Variants in PLD5 observed in about 807,000 individuals in gnomAD.
PLD5 encodes inactive phospholipase D5.
PLD5 carries 36 observed loss-of-function variants against 61.1 expected under a neutral mutation model. That is an observed-to-expected ratio of 0.59 (90% confidence interval 0.45 to 0.78). The LOEUF (loss-of-function observed/expected upper bound fraction) is 0.78, where lower values mean the gene tolerates loss of function less well. PLD5 is among the 30% of genes least tolerant of loss of function. PLD5 has a pLI of 0.00. For synonymous variants in PLD5, 243 were observed against 242.8 expected, an observed-to-expected ratio of 1.00 and a Z score of -0.01; for missense variants, 515 against 644.4, an observed-to-expected ratio of 0.80 and a Z score of 2.17.
At chr1:242,352,261 AAC>A (rs1660519820) in intron 1 of PLD5, among the ~76,000 whole-genome samples, 1 of 152,156 alleles carries the variant, frequency 6.6e-6, no homozygotes, top group African/African-American at 2.4e-5. Flanking sequence ...CTACTTCTAT[AAC>A]TGCAATTGTT....
At chr1:242,335,880 A>G (rs1016865985) in intron 2 of PLD5, among the ~76,000 whole-genome samples, 2 of 152,204 alleles carry the variant, frequency 1.3e-5, no homozygotes, top group Admixed American at 6.5e-5. Context: ...ATCTAATTAT[A>G]TCTCTCTGAT....
chr1:242,247,829 C>T (rs1267833482), intron 4 of PLD5, among the ~76,000 whole-genome samples: 9 of 152,134 alleles, frequency 5.9e-5, no homozygotes, highest in East Asian at 1.9e-4. Flanking sequence ...TTCTAAAAAC[C>T]GTGCTGCAGT....
At chr1:242,218,747 A>C (rs181284403) in intron 5 of PLD5, among the ~76,000 whole-genome samples, 6 of 152,342 alleles carry the variant, frequency 3.9e-5, no homozygotes, top group African/African-American at 1.4e-4. Context: ...GTTTAGAGCT[A>C]TATGGCTTGG....
At chr1:242,421,017 T>A (rs1257544635) in intron 1 of PLD5, among the ~76,000 whole-genome samples, 1 of 151,698 alleles carries the variant, frequency 6.6e-6, no homozygotes, top group Non-Finnish European at 1.5e-5. Flanking sequence ...CCGTCTCTAC[T>A]AAAAATACAA....
intron 1 of PLD5, among the ~76,000 whole-genome samples, chr1:242,463,279 A>G (rs1206478612): frequency 6.6e-6 from 1 of 152,100 alleles, no homozygotes; most frequent in South Asian, 2.1e-4. Flanking sequence ...TCGCTTGTCC[A>G]TGCTCTCTAT....
chr1:242,394,400 GTGTGTATATATGAGTATATAT>G, intron 1 of PLD5, among the ~76,000 whole-genome samples: 1 of 100,042 alleles, frequency 1.0e-5, no homozygotes, highest in Non-Finnish European at 2.0e-5. Flanking sequence ...GAGTATATAT[GTGTGTATATATGAGTATATAT>G]GTGTGTATAT....
chr1:242,094,253 T>C (rs550673027), intron 9 of PLD5, among the ~76,000 whole-genome samples: 7 of 152,102 alleles, frequency 4.6e-5, no homozygotes, highest in Admixed American at 2.6e-4. Context: ...GGAAGGTGCA[T>C]GGGCCTTCAG....
At chr1:242,332,884 T>C (rs1374108949) in intron 2 of PLD5, among the ~76,000 whole-genome samples, 1 of 152,180 alleles carries the variant, frequency 6.6e-6, no homozygotes, top group East Asian at 1.9e-4. Flanking sequence ...CCAAGTACTA[T>C]ATCAGAGGTC....
chr1:242,231,386 G>A (rs1054187415), intron 4 of PLD5, among the ~76,000 whole-genome samples: 2 of 152,220 alleles, frequency 1.3e-5, no homozygotes, highest in African/African-American at 4.8e-5. Context: ...CAGTGCCAGG[G>A]AGGATGGAGA....
chr1:242,519,184 T>G (rs1669201469), intron 1 of PLD5, among the ~76,000 whole-genome samples: 1 of 152,222 alleles, frequency 6.6e-6, no homozygotes. Context: ...GGATCCACCC[T>G]GTGGGGTACA....
intron 1 of PLD5, among the ~76,000 whole-genome samples, chr1:242,523,113 T>C (rs1669331172): frequency 6.6e-6 from 1 of 152,138 alleles, no homozygotes; most frequent in Admixed American, 6.5e-5. Flanking sequence ...CTTGGTCTTA[T>C]CTTTTTTATC....
intron 5 of PLD5, among the ~76,000 whole-genome samples, chr1:242,141,531 C>T (rs1490418975): frequency 6.6e-6 from 1 of 152,086 alleles, no homozygotes; most frequent in African/African-American, 2.4e-5. Flanking sequence ...TGGTCTTGAC[C>T]TCCTCCTCTT....
At chr1:242,391,346 A>G (rs1005585723) in intron 1 of PLD5, among the ~76,000 whole-genome samples, 6 of 152,244 alleles carry the variant, frequency 3.9e-5, no homozygotes, top group Non-Finnish European at 7.3e-5. Flanking sequence ...CAGTATCACT[A>G]TAATGCGGTA....
intron 1 of PLD5, among the ~76,000 whole-genome samples, chr1:242,495,452 T>C (rs962809348): frequency 6.6e-6 from 1 of 152,058 alleles, no homozygotes; most frequent in Non-Finnish European, 1.5e-5. Flanking sequence ...AGACACGAGC[T>C]GTAAGCAGTA....
chr1:242,426,895 C>T (rs1435959910), intron 1 of PLD5, among the ~76,000 whole-genome samples: 1 of 152,166 alleles, frequency 6.6e-6, no homozygotes, highest in Non-Finnish European at 1.5e-5. Context: ...ATGTGCGCCA[C>T]CACCAGGCCT....
chr1:242,125,813 A>G lies in PLD5; in HGVS notation c.736-1148T>C, dbSNP rs531881025. Among the ~76,000 whole-genome samples, 14 of 151,804 alleles carry G rather than the reference A, an allele frequency of 9.2e-5. No individual in the cohort carries two copies. In the South Asian group the frequency reaches 2.9e-3, roughly 32 times the overall value. Reference sequence around the variant, plus strand: ...GAACCTGTCTCTCTTTGCTCCCAGGACTCCCCAGTACAACATGGCCTGGAG... The same window carrying G: ...GAACCTGTCTCTCTTTGCTCCCAGGGCTCCCCAGTACAACATGGCCTGGAG... On this transcript the variant is annotated intron_variant, in intron 5 of 9. Coordinates refer to ENST00000536534, the MANE Select transcript of PLD5 (RefSeq NM_001372062.1).
At chr1:242,360,236 C>A (rs1347802072) in intron 1 of PLD5, among the ~76,000 whole-genome samples, 3 of 152,160 alleles carry the variant, frequency 2.0e-5, no homozygotes, top group Non-Finnish European at 4.4e-5. Context: ...TAAAATAAAT[C>A]CTACTTAGTA....
intron 4 of PLD5, among the ~76,000 whole-genome samples, chr1:242,249,374 A>G (rs994729037): frequency 6.6e-6 from 1 of 152,196 alleles, no homozygotes; most frequent in African/African-American, 2.4e-5. Context: ...ATTGTGAGAA[A>G]TAAATTTCTG....
At chr1:242,177,643 A>G (rs909104670) in intron 5 of PLD5, 1 of 152,190 alleles carries the variant, frequency 6.6e-6, no homozygotes, top group African/African-American at 2.4e-5. Flanking sequence ...GGTCAACCTA[A>G]TTGTTTTTTG....
Sources: allele counts gnomAD v4.1 joint callset (sites outside exome capture counted in the v4.1 genomes callset), GRCh38; gene constraint gnomAD v4.1.1; transcripts MANE v1.5; gene names NCBI Gene and HGNC (gene_info 2026-07-23, HGNC 2026-07-21).